Variants in FRMPD4 observed in about 807,000 individuals in gnomAD.
FRMPD4 encodes FERM and PDZ domain-containing protein 4.
FRMPD4 carries 22 observed loss-of-function variants against 94.1 expected under a neutral mutation model. The observed-to-expected ratio is 0.23, with a 90% confidence interval of 0.17 to 0.33. The LOEUF is 0.33. FRMPD4 is among the 10% of genes least tolerant of loss of function. The pLI is 1.00. For missense variants in FRMPD4, 1,111 were observed against 1,339.9 expected (o/e 0.83, Z 2.67); for synonymous variants, 631 against 548.6 (o/e 1.15, Z -2.10).
Position 12,498,807 on chromosome X carries a change from CA to C in FRMPD4, c.158+12del. 3 of 894,132 alleles carry C rather than the reference CA, an allele frequency of 3.4e-6. No homozygotes were observed. Among genetic ancestry groups the C allele is most frequent in the Non-Finnish European group, 4.9e-6 (3 of 616,770 alleles). The allele number at this position is 894,132 out of a possible 1,213,427, so 73.7% of individuals were successfully genotyped here. ...AGACTACTTCATCAAGTAGGTTAAA[CA>C]GATGGCATGAACAATAGAATCCTTG... is the stretch of plus-strand genomic sequence containing the variant. On this transcript the variant is annotated intron_variant, in intron 2 of 16. Transcript: ENST00000675598.
intron 3 of FRMPD4, among the ~76,000 whole-genome samples, chrX:12,612,101 C>G (rs1407271214): frequency 9.0e-6 from 1 of 111,524 alleles, no homozygotes; most frequent in Non-Finnish European, 1.9e-5. Flanking sequence ...TATGTATATG[C>G]AGACACATTT....
chrX:11,976,819 C>A (rs752087291), intron 3 of FRMPD4, among the ~76,000 whole-genome samples: 4 of 111,842 alleles, frequency 3.6e-5, no homozygotes, highest in Non-Finnish European at 5.6e-5. Context: ...GATTCAGCAG[C>A]CTTTATTAGA....
At chrX:12,075,560 T>A (rs184691006) in intron 3 of FRMPD4, among the ~76,000 whole-genome samples, 26 of 112,410 alleles carry the variant, frequency 2.3e-4, no homozygotes, top group South Asian at 7.4e-4. Context: ...TTTGGTTGGG[T>A]CCTCAGAACC....
rs1370034320 is a variant in FRMPD4, at chrX:12,608,452, A to G, written c.159-1269A>G. Among the ~76,000 whole-genome samples the G allele has an allele frequency of 7.1e-5, 8 of 112,977 alleles. 1 individual carries two copies. Among genetic ancestry groups the G allele is most frequent in the Admixed American group, 1.9e-4 (2 of 10,713 alleles). On this transcript the variant is annotated intron_variant, in intron 2 of 16. Transcript: ENST00000675598. ...ATTATTGATAAGACTTCTGAAGTTT[A>G]GGTGTTAATGAAAAGATTCATTTGA...
intron 3 of FRMPD4, among the ~76,000 whole-genome samples, chrX:12,063,809 T>C (rs1014107181): frequency 8.9e-6 from 1 of 112,821 alleles, no homozygotes. Context: ...CCAATTCTTC[T>C]TTGGTTATTT....
intron 1 of FRMPD4, among the ~76,000 whole-genome samples, chrX:12,419,272 G>A (rs1466598184): frequency 9.0e-6 from 1 of 111,246 alleles, no homozygotes; most frequent in African/African-American, 3.3e-5. Context: ...AAAGCATCCT[G>A]TCTCCTATAG....
rs1437608414 is a variant in FRMPD4 at position 12,463,690 on chromosome X, TTG to T, written c.42-34988_42-34987del. On this transcript the variant is annotated intron_variant, in intron 1 of 16. Transcript: ENST00000675598. Reference sequence around the variant, plus strand: ...TGCCTCCTATGTGTGTGTTTTTTTTTTGTTTTTGTTTTTTTTTTTTAACAGAG... The same window carrying T: ...TGCCTCCTATGTGTGTGTTTTTTTTTTTTTTGTTTTTTTTTTTTAACAGAG... 2.1e-4 allele frequency among the ~76,000 whole-genome samples: 19 copies of T among 90,923 alleles called. 1 individual carries two copies. Among genetic ancestry groups the T allele is most frequent in the African/African-American group, 8.1e-4 (18 of 22,120 alleles). 79.0% of individuals were successfully genotyped at this position (90,923 alleles called of 115,157 possible).
At chrX:11,946,639 G>A (rs1214205282) in intron 3 of FRMPD4, among the ~76,000 whole-genome samples, 3 of 111,352 alleles carry the variant, frequency 2.7e-5, no homozygotes, top group African/African-American at 9.8e-5. Flanking sequence ...AGGTGTGTCT[G>A]TGAAGGTGTT....
At chrX:12,005,182 CTA>C (rs2054545385) in intron 3 of FRMPD4, among the ~76,000 whole-genome samples, 1 of 108,939 alleles carries the variant, frequency 9.2e-6, no homozygotes, top group Non-Finnish European at 1.9e-5. Flanking sequence ...GCTTCTCAAA[CTA>C]TAGAGTGCTT....
chrX:12,104,513 T>C (rs2055280256), intron 3 of FRMPD4, among the ~76,000 whole-genome samples: 1 of 112,827 alleles, frequency 8.9e-6, no homozygotes, highest in Admixed American at 9.4e-5. Flanking sequence ...TCTATCATTA[T>C]ATAATGTATG....
rs551566728 is a variant in FRMPD4 at position 11,866,891 on chromosome X, A to G, written c.-30+1675A>G. On this transcript the variant is annotated intron_variant, in intron 2 of 18. Transcript: ENST00000640291. ...TACTTTTGTGGTAATATTAATAGTT[A>G]ACAGTAATGGATGTTAATCCATATT... Among the ~76,000 whole-genome samples, 35 of 111,525 alleles carry G rather than the reference A, an allele frequency of 3.1e-4. 1 individual carries two copies. The South Asian group carries it at 6.7e-3, about 21-fold the overall frequency.
intron 1 of FRMPD4, among the ~76,000 whole-genome samples, chrX:12,432,899 CCTTTTAACTACAGT>C (rs2057025235): frequency 8.9e-6 from 1 of 112,209 alleles, no homozygotes; most frequent in Non-Finnish European, 1.9e-5. Context: ...CCATAACCAA[CCTTTTAACTACAGT>C]CTTTTATGTA....
chrX:12,702,037 C>T lies in FRMPD4; in HGVS notation c.1070+27C>T, dbSNP rs374226424. On this transcript the variant is annotated intron_variant, in intron 10 of 16. Transcript: ENST00000675598. ...TAAGTGTTGACTCTCAGCGCCATTT[C>T]GGAGACAGACATGCCGCCTCCCTTA... 16 of 1,188,382 alleles carry T rather than the reference C, an allele frequency of 1.3e-5. 1 individual carries two copies. In the Admixed American group the frequency reaches 1.8e-4, roughly 13 times the overall value.
At chrX:12,323,004 A>G (rs56011040) in intron 1 of FRMPD4, among the ~76,000 whole-genome samples, 2,305 of 112,013 alleles carry the variant, frequency 0.021, 33 homozygotes, top group Middle Eastern at 0.061. Context: ...TTGATGAACT[A>G]TGCTATGAAC....
intron 1 of FRMPD4, among the ~76,000 whole-genome samples, chrX:12,432,060 G>C (rs997377993): frequency 8.9e-6 from 1 of 112,022 alleles, no homozygotes; most frequent in African/African-American, 3.2e-5. Flanking sequence ...CTTTTGGGCA[G>C]CATTGAACAT....
chrX:12,113,014 G>T (rs929735189), intron 3 of FRMPD4, among the ~76,000 whole-genome samples: 3 of 111,596 alleles, frequency 2.7e-5, no homozygotes, highest in Non-Finnish European at 3.8e-5. Flanking sequence ...GAGTTTTGGG[G>T]GAAATATACT....
At chrX:12,616,652 AG>A (rs772899323) in intron 4 of FRMPD4, among the ~76,000 whole-genome samples, 1 of 112,519 alleles carries the variant, frequency 8.9e-6, no homozygotes, top group East Asian at 2.8e-4. Flanking sequence ...GCCAGAATAT[AG>A]AAAGACTCTG....
At chrX:12,611,326 G>A (rs1016273905) in intron 3 of FRMPD4, among the ~76,000 whole-genome samples, 4 of 112,219 alleles carry the variant, frequency 3.6e-5, no homozygotes, top group Admixed American at 9.4e-5. Context: ...CAGCAGTAAA[G>A]TACTACACTT....
At chrX:12,261,472 G>A (rs2054187928) in intron 1 of FRMPD4, among the ~76,000 whole-genome samples, 1 of 111,248 alleles carries the variant, frequency 9.0e-6, no homozygotes, top group African/African-American at 3.3e-5. Context: ...CTACCCAAAT[G>A]CATACCACTA....
Sources: gnomAD v4.1 joint callset for allele counts (sites outside exome capture counted in the v4.1 genomes callset) on GRCh38, gnomAD v4.1.1 for gene constraint, MANE v1.5 for transcripts, NCBI Gene and HGNC (gene_info 2026-07-23, HGNC 2026-07-21) for gene names.